PRR16: variants seen among roughly 807,000 people sequenced by gnomAD.
PRR16 encodes the protein protein Largen.
Under a neutral mutation model 18.2 loss-of-function variants are expected in PRR16, and 6 were observed. The ratio of observed to expected loss-of-function variants is 0.33; its 90% confidence interval spans 0.18 to 0.65. PRR16 has a LOEUF of 0.65. PRR16 is among the 30% of genes least tolerant of loss of function. PRR16 has a pLI of 0.74. For missense variants in PRR16, 412 were observed against 376.6 expected (o/e 1.09, Z -0.78); for synonymous variants, 151 against 147.8 (o/e 1.02, Z -0.16).
the PRR16 span, among the ~76,000 whole-genome samples, chr5:120,723,957 CA>C: frequency 4.3e-4 from 65 of 150,354 alleles, no homozygotes; most frequent in Non-Finnish European, 6.2e-4. Flanking sequence ...TGAAAAAATA[CA>C]GACAATTATG....
chr5:120,683,022 G>A (rs1002856597), intron 1 of PRR16, among the ~76,000 whole-genome samples: 2 of 152,088 alleles, frequency 1.3e-5, no homozygotes, highest in African/African-American at 4.8e-5. Context: ...ATTTCAAGAA[G>A]AAATAATGGT....
intron 1 of PRR16, among the ~76,000 whole-genome samples, chr5:120,493,607 G>T (rs1456132075): frequency 1.3e-5 from 2 of 152,046 alleles, no homozygotes; most frequent in East Asian, 3.9e-4. Flanking sequence ...TATTGACATT[G>T]ATATAGGCAA....
the PRR16 span, among the ~76,000 whole-genome samples, chr5:120,729,352 T>C: frequency 3.6e-4 from 55 of 152,278 alleles, 1 homozygote; most frequent in South Asian, 0.011. Flanking sequence ...CACGTCTTCT[T>C]ACCTACTAAA....
At chr5:120,525,128 A>T (rs1483455276) in intron 1 of PRR16, among the ~76,000 whole-genome samples, 1 of 152,050 alleles carries the variant, frequency 6.6e-6, no homozygotes, top group Non-Finnish European at 1.5e-5. Context: ...TTTCTAATGC[A>T]GTCTTACTGA....
intron 1 of PRR16, among the ~76,000 whole-genome samples, chr5:120,610,327 T>A (rs1392349378): frequency 1.3e-5 from 2 of 150,356 alleles, no homozygotes; most frequent in African/African-American, 4.9e-5. Flanking sequence ...TATACTTAAA[T>A]TAATATAATT....
intron 1 of PRR16, among the ~76,000 whole-genome samples, chr5:120,575,750 C>T (rs958367990): frequency 2.0e-5 from 3 of 152,120 alleles, no homozygotes; most frequent in African/African-American, 7.2e-5. Context: ...AGATAAGTAT[C>T]CCCACTTTTA....
At chr5:120,636,399 A>C (rs1273828015) in intron 1 of PRR16, among the ~76,000 whole-genome samples, 1 of 152,200 alleles carries the variant, frequency 6.6e-6, no homozygotes, top group Non-Finnish European at 1.5e-5. Flanking sequence ...ATAGTCACCA[A>C]AACAGCATAG....
chr5:120,710,345 G>C, the PRR16 span, among the ~76,000 whole-genome samples: 2 of 152,058 alleles, frequency 1.3e-5, no homozygotes, highest in Non-Finnish European at 2.9e-5. Context: ...GGAGGATCTC[G>C]AAGTTGTTTT....
chr5:120,517,289 C>T (rs1751029245), intron 1 of PRR16, among the ~76,000 whole-genome samples: 1 of 151,882 alleles, frequency 6.6e-6, no homozygotes, highest in Non-Finnish European at 1.5e-5. Context: ...AATTTATTTC[C>T]ATGTAAATAA....
At chr5:120,727,692 A>G in the PRR16 span, among the ~76,000 whole-genome samples, 1 of 152,160 alleles carries the variant, frequency 6.6e-6, no homozygotes, top group Non-Finnish European at 1.5e-5. Context: ...TGTGTAATGT[A>G]TACAATTAAG....
At chr5:120,671,519 G>T (rs1756604152) in intron 1 of PRR16, among the ~76,000 whole-genome samples, 3 of 152,064 alleles carry the variant, frequency 2.0e-5, no homozygotes, top group African/African-American at 4.8e-5. Flanking sequence ...AGAGGATAGA[G>T]TTTTCTGATC....
At chr5:120,547,771 G>A (rs893793946) in intron 1 of PRR16, among the ~76,000 whole-genome samples, 1 of 151,948 alleles carries the variant, frequency 6.6e-6, no homozygotes, top group Non-Finnish European at 1.5e-5. Context: ...ACATTCAAAG[G>A]AGTGTGAAGA....
chr5:120,744,866 A>G, the PRR16 span, among the ~76,000 whole-genome samples: 2 of 152,176 alleles, frequency 1.3e-5, no homozygotes, highest in Admixed American at 1.3e-4. Context: ...GTGGGAATCA[A>G]CTGAAACTAG....
At chr5:120,556,233 G>A (rs1040650363) in intron 1 of PRR16, among the ~76,000 whole-genome samples, 1 of 121,760 alleles carries the variant, frequency 8.2e-6, no homozygotes. Context: ...CAATTTCATT[G>A]TTTTTTTTTT....
chr5:120,647,302 T>C (rs1280141284), intron 1 of PRR16, among the ~76,000 whole-genome samples: 1 of 151,968 alleles, frequency 6.6e-6, no homozygotes, highest in East Asian at 1.9e-4. Flanking sequence ...AAAAGGGTAT[T>C]ATGATGTCTT....
chr5:120,513,853 G>A (rs1220267122), intron 1 of PRR16, among the ~76,000 whole-genome samples: 1 of 151,544 alleles, frequency 6.6e-6, no homozygotes, highest in African/African-American at 2.4e-5. Context: ...CCGCCTCCTG[G>A]GTTCAAGCAA....
At chr5:120,595,045 T>C (rs1208286905) in intron 1 of PRR16, among the ~76,000 whole-genome samples, 1 of 151,636 alleles carries the variant, frequency 6.6e-6, no homozygotes, top group Non-Finnish European at 1.5e-5. Context: ...ACATAGGAAC[T>C]GGTATAGGCA....
At chr5:120,646,799 G>A (rs529452926) in intron 1 of PRR16, among the ~76,000 whole-genome samples, 10 of 152,034 alleles carry the variant, frequency 6.6e-5, no homozygotes, top group African/African-American at 1.9e-4. Flanking sequence ...TGTTACAGGT[G>A]AGAATTGAGA....
At chr5:120,532,799 G>A (rs1011592084) in intron 1 of PRR16, among the ~76,000 whole-genome samples, 12 of 151,938 alleles carry the variant, frequency 7.9e-5, no homozygotes, top group African/African-American at 2.9e-4. Context: ...TCACATACTA[G>A]AGAAATGACA....
Sources: gnomAD v4.1 joint callset for allele counts (sites outside exome capture counted in the v4.1 genomes callset) on GRCh38, gnomAD v4.1.1 for gene constraint, MANE v1.5 for transcripts, NCBI Gene and HGNC (gene_info 2026-07-23, HGNC 2026-07-21) for gene names.